XPO7: variants seen among roughly 807,000 people sequenced by gnomAD.
XPO7 encodes the protein exportin 7.
XPO7 carries 21 observed loss-of-function variants against 144.3 expected under a neutral mutation model. The observed-to-expected ratio is 0.15, with a 90% CI of 0.10 to 0.21. The LOEUF is 0.21. XPO7 is among the 10% of genes least tolerant of loss of function. XPO7 has a pLI of 1.00. For synonymous variants in XPO7, 580 were observed against 499.6 expected, an observed-to-expected ratio of 1.16 and a Z score of -2.15; for missense variants, 808 against 1,325.8, an observed-to-expected ratio of 0.61 and a Z score of 6.06.
chr8:22,006,095 G>C lies in XPO7; in HGVS notation c.*1007G>C, dbSNP rs1362020733. ...CGAGGCAGTGTGTGTGGATGTATGC[G>C]TGTGGATATTTATATATGTACCCTG... On this transcript the variant is annotated 3_prime_UTR_variant, in exon 28 of 28. Coordinates refer to ENST00000252512, the MANE Select transcript of XPO7 (RefSeq NM_015024.5). The C allele has an allele frequency of 6.6e-6, 1 of 152,192 alleles. No homozygotes were observed. The highest frequency in any genetic ancestry group is 1.5e-5 in the Non-Finnish European group (1 of 68,048). 9.4% of individuals were successfully genotyped at this position (152,192 alleles called of 1,614,324 possible).
chr8:21,922,858 T>C (rs1810333722), intron 1 of XPO7, among the ~76,000 whole-genome samples: 3 of 152,206 alleles, frequency 2.0e-5, no homozygotes, highest in Non-Finnish European at 4.4e-5. Context: ...ATTATGACTG[T>C]ACTAGGAGAA....
intron 1 of XPO7, among the ~76,000 whole-genome samples, chr8:21,920,670 A>T (rs1269263983): frequency 6.6e-6 from 1 of 152,194 alleles, no homozygotes; most frequent in Non-Finnish European, 1.5e-5. Context: ...GGAGGACTGC[A>T]GGGTTTAATT....
chr8:21,967,398 T>G (rs1811919134), intron 2 of XPO7, among the ~76,000 whole-genome samples: 1 of 152,214 alleles, frequency 6.6e-6, no homozygotes, highest in East Asian at 1.9e-4. Context: ...TGGCGTGATC[T>G]TGGCTCACTG....
chr8:21,922,455 C>A (rs1326019453), intron 1 of XPO7, among the ~76,000 whole-genome samples: 1 of 152,124 alleles, frequency 6.6e-6, no homozygotes, highest in South Asian at 2.1e-4. Flanking sequence ...ATCTAACTTT[C>A]ACCCTGAAGG....
intron 2 of XPO7, 24 bp downstream of exon 2, chr8:21,967,027 A>G: frequency 1.9e-6 from 3 of 1,608,056 alleles, no homozygotes; most frequent in Non-Finnish European, 1.7e-6. Context: ...GAAAATCCTA[A>G]AGGATAACAG....
chr8:21,955,724 CT>C (rs71544845), intron 1 of XPO7, among the ~76,000 whole-genome samples: 244 of 102,738 alleles, frequency 2.4e-3, no homozygotes, highest in African/African-American at 7.6e-3. Context: ...CTGTGCTTAC[CT>C]TTTTTTTTTT....
At chr8:21,920,192 G>A (rs1041829420) in intron 1 of XPO7, among the ~76,000 whole-genome samples, 5 of 138,618 alleles carry the variant, frequency 3.6e-5, no homozygotes, top group Admixed American at 7.7e-5. Context: ...CATGACGCCC[G>A]CCATCCCTCA....
intron 1 of XPO7, chr8:21,966,116 G>T: frequency 1.6e-6 from 1 of 614,982 alleles, no homozygotes; most frequent in Non-Finnish European, 2.9e-6. Context: ...ACCCCTTCCT[G>T]CCTCCCTGGA....
chr8:21,990,291 T>C, intron 16 of XPO7, 53 bp from the exon 17 acceptor site: 1 of 1,586,806 alleles, frequency 6.3e-7, no homozygotes, highest in Non-Finnish European at 8.6e-7. Context: ...TCCATCTGCC[T>C]TAGAGTTTCG....
chr8:21,991,466 T>G (rs1166593215), intron 18 of XPO7, among the ~76,000 whole-genome samples: 1 of 152,190 alleles, frequency 6.6e-6, no homozygotes, highest in East Asian at 1.9e-4. Context: ...AGAGATGACT[T>G]TTTAAAAAAT....
chr8:21,994,519 C>A (rs1812876499), intron 20 of XPO7, 68 bp downstream of exon 20: 1 of 1,429,278 alleles, frequency 7.0e-7, no homozygotes, highest in Non-Finnish European at 9.7e-7. Context: ...GTGATAGGGT[C>A]CAGAGACGGT....
rs963570493 is a variant in XPO7, at chr8:22,006,436, A to T, written c.*1348A>T. On this transcript the variant is annotated 3_prime_UTR_variant, in exon 28 of 28. Coordinates refer to ENST00000252512, the MANE Select transcript of XPO7 (RefSeq NM_015024.5). ...TTATTTCTTTCCTCTACCCCCAGAA[A>T]CAAGCCTGTTAATTTTTTTTCCTTC... is the stretch of plus-strand genomic sequence containing the variant. 6.6e-6 allele frequency: 1 copy of T among 152,114 alleles called. No homozygotes were observed. Among genetic ancestry groups the T allele is most frequent in the African/African-American group, 2.4e-5 (1 of 41,398 alleles). The allele number at this position is 152,114 out of a possible 1,614,324, so 9.4% of individuals were successfully genotyped here.
At chr8:21,932,455 T>A (rs574111605) in intron 1 of XPO7, among the ~76,000 whole-genome samples, 3 of 152,316 alleles carry the variant, frequency 2.0e-5, no homozygotes, top group South Asian at 4.1e-4. Context: ...CTTCTGTAAA[T>A]CAAAATAAAG....
At chr8:21,998,516 T>G (rs1773280886) in intron 21 of XPO7, among the ~76,000 whole-genome samples, 1 of 152,198 alleles carries the variant, frequency 6.6e-6, no homozygotes, top group African/African-American at 2.4e-5. Context: ...GCTGCTTTTT[T>G]TTTCTTATAA....
chr8:21,996,996 C>G (rs62492122), intron 21 of XPO7, among the ~76,000 whole-genome samples: 1 of 152,030 alleles, frequency 6.6e-6, no homozygotes, highest in African/African-American at 2.4e-5. Context: ...TTAGTAGAGA[C>G]GGGGTTTCTC....
In XPO7 at chr8:21,990,465, G is replaced by A. The variant is rs1173344468; in HGVS notation, c.1932+58G>A. On this transcript the variant is annotated intron_variant, in intron 17 of 27. Transcript: ENST00000252512. ...CTACCACCCACACATACACTTTCTC[G>A]ACACATAAAGGAGATATGTAAACTG... is the stretch of plus-strand genomic sequence containing the variant. 45 of 1,585,054 alleles carry A rather than the reference G, an allele frequency of 2.8e-5. No individual in the cohort carries two copies. In the Middle Eastern group the frequency reaches 5.0e-4, roughly 18 times the overall value.
intron 1 of XPO7, 58 bp from the exon 2 acceptor site, chr8:21,966,799 C>A: frequency 6.5e-7 from 1 of 1,545,400 alleles, no homozygotes; most frequent in Non-Finnish European, 8.7e-7. Flanking sequence ...ATTTTAAGCA[C>A]AGTTGCTTAC....
At chr8:21,935,174 T>C (rs1303275979) in intron 1 of XPO7, among the ~76,000 whole-genome samples, 7 of 152,218 alleles carry the variant, frequency 4.6e-5, no homozygotes, top group Non-Finnish European at 1.0e-4. Flanking sequence ...TGGGCCCTAA[T>C]TGATTTTGAC....
chr8:21,975,809 G>GTGA (rs1812205919), intron 6 of XPO7, among the ~76,000 whole-genome samples: 2 of 152,194 alleles, frequency 1.3e-5, no homozygotes, highest in African/African-American at 4.8e-5. Flanking sequence ...GAATGGGACA[G>GTGA]GCACAGTAGC....
Sources: gnomAD v4.1 joint callset for allele counts (sites outside exome capture counted in the v4.1 genomes callset) on GRCh38, gnomAD v4.1.1 for gene constraint, MANE v1.5 for transcripts, NCBI Gene and HGNC (gene_info 2026-07-23, HGNC 2026-07-21) for gene names.